The following IRGM variants were observed in gnomAD, a reference collection of about 807,000 sequenced individuals.
IRGM encodes the protein immunity related GTPase M, also known as immunity-related GTPase family M protein.
For missense variants in IRGM, 288 were observed against 219.9 expected (o/e 1.31, Z -1.96); for synonymous variants, 98 against 80.6 (o/e 1.22, Z -1.16).
intron 3 of IRGM, chr5:150,897,113 C>G: frequency 4.8e-6 from 3 of 627,208 alleles, no homozygotes; most frequent in Non-Finnish European, 8.2e-6. Flanking sequence ...GAAGACAGTA[C>G]AGCATATAGT....
chr5:150,882,585 G>A (rs937313484), intron 3 of IRGM, among the ~76,000 whole-genome samples: 6 of 152,110 alleles, frequency 3.9e-5, no homozygotes, highest in African/African-American at 1.4e-4. Flanking sequence ...ACTTATATCA[G>A]ATAAAATAAA....
chr5:150,853,689 C>T (rs1365022493), downstream of IRGM, among the ~76,000 whole-genome samples: 1 of 151,922 alleles, frequency 6.6e-6, no homozygotes, highest in African/African-American at 2.4e-5. Flanking sequence ...TAAATTTAAC[C>T]TAGAGTCTAT....
intron 3 of IRGM, among the ~76,000 whole-genome samples, chr5:150,880,738 C>T (rs949401020): frequency 1.3e-5 from 2 of 152,176 alleles, no homozygotes; most frequent in Admixed American, 6.5e-5. Context: ...TTCATATTTT[C>T]ATAAAGAGTA....
chr5:150,898,628 C>T lies in IRGM; in HGVS notation c.*141-1961C>T, dbSNP rs1282381223. 5 of 1,447,966 alleles carry T rather than the reference C, an allele frequency of 3.5e-6. No homozygotes were observed. In the East Asian group the frequency reaches 1.2e-4, roughly 34 times the overall value. 89.7% of individuals were successfully genotyped at this position (1,447,966 alleles called of 1,614,324 possible). On this transcript the variant is annotated intron_variant and NMD_transcript_variant, in intron 3 of 3. Transcript: ENST00000520549. ...TCTGCTATAATGTGCACAACTACAT[C>T]CACACCTAGTTTTGTATAATAGTTT...
At chr5:150,872,792 A>G (rs1325164050) in intron 1 of IRGM, among the ~76,000 whole-genome samples, 1 of 152,150 alleles carries the variant, frequency 6.6e-6, no homozygotes, top group African/African-American at 2.4e-5. Flanking sequence ...CCTTGGTGTA[A>G]TGTACAGGGA....
At chr5:150,881,042 G>A (rs757790700) in intron 3 of IRGM, among the ~76,000 whole-genome samples, 12 of 151,824 alleles carry the variant, frequency 7.9e-5, no homozygotes, top group East Asian at 1.9e-4. Context: ...CAGGAGAATC[G>A]CTTGAACCTG....
chr5:150,865,958 T>A (rs1468460974), intron 1 of IRGM, among the ~76,000 whole-genome samples: 2 of 152,174 alleles, frequency 1.3e-5, no homozygotes, highest in African/African-American at 2.4e-5. Flanking sequence ...GGTTTCAGCA[T>A]GTTGGCCAGG....
In IRGM at chr5:150,848,309, C is replaced by T. The variant is rs1445711737; in HGVS notation, c.186C>T (p.Ala62=). The T allele has an allele frequency of 2.6e-6, 4 of 1,551,810 alleles. No individual in the cohort carries two copies. Among genetic ancestry groups the T allele is most frequent in the Non-Finnish European group, 3.5e-6 (4 of 1,146,986 alleles). ...GAAACACAGGACATGAGGGTAAGGC[C>T]TCACCTCCTACTGAGCTGGTAAAAG... ...ALRNTGHEGK[A]SPPTELVKAT... Residue 62 remains alanine (A), a synonymous_variant, in exon 2 of 2, where the codon GCC becomes GCT. Coordinates refer to ENST00000522154, the MANE Select transcript of IRGM (RefSeq NM_001145805.2).
At chr5:150,899,727 G>A (rs185689226) in intron 3 of IRGM, among the ~76,000 whole-genome samples, 16 of 152,068 alleles carry the variant, frequency 1.1e-4, no homozygotes, top group Non-Finnish European at 2.1e-4. Context: ...TGTTTCTGGA[G>A]GGAACATTGA....
downstream of IRGM, among the ~76,000 whole-genome samples, chr5:150,850,321 TAAG>T (rs1312581106): frequency 2.6e-5 from 4 of 152,232 alleles, no homozygotes; most frequent in Non-Finnish European, 5.9e-5. Context: ...TTCCTAATAA[TAAG>T]AAATTGTTAA....
chr5:150,855,920 TAAAG>T (rs1754041832), intron 1 of IRGM, among the ~76,000 whole-genome samples: 2 of 152,110 alleles, frequency 1.3e-5, no homozygotes, highest in Non-Finnish European at 2.9e-5. Flanking sequence ...AGCATTCTCT[TAAAG>T]AACAGTTTCT....
chr5:150,897,327 T>C (rs1754830544), intron 3 of IRGM: 1 of 180,974 alleles, frequency 5.5e-6, no homozygotes, highest in Non-Finnish European at 1.1e-5. Flanking sequence ...ATTCTTATTA[T>C]CCTACCATCA....
intron 3 of IRGM, among the ~76,000 whole-genome samples, chr5:150,879,798 A>G (rs930402821): frequency 1.3e-5 from 2 of 152,224 alleles, no homozygotes; most frequent in Non-Finnish European, 2.9e-5. Flanking sequence ...AAAGAGCCCA[A>G]GGTAAAATTC....
At chr5:150,878,179 T>TG (rs968733009) in intron 2 of IRGM, 32 of 378,226 alleles carry the variant, frequency 8.5e-5, no homozygotes, top group Non-Finnish European at 1.3e-4. Flanking sequence ...AACTTTTTTT[T>TG]TTGTTGTTGT....
At chr5:150,882,192 T>A (rs1362201425) in intron 3 of IRGM, among the ~76,000 whole-genome samples, 1 of 150,296 alleles carries the variant, frequency 6.7e-6, no homozygotes, top group Non-Finnish European at 1.5e-5. Context: ...GAACTCCAGC[T>A]TGGGGGACAG....
At chr5:150,849,538 A>G (rs1211350791), downstream of IRGM, among the ~76,000 whole-genome samples, 1 of 152,106 alleles carries the variant, frequency 6.6e-6, no homozygotes, top group African/African-American at 2.4e-5. Flanking sequence ...AGTTAAAAGT[A>G]AAATGATCAT....
chr5:150,881,519 T>C lies in IRGM; in HGVS notation c.*140+1873T>C, dbSNP rs141333066. Among the ~76,000 whole-genome samples, 7 of 152,036 alleles carry C rather than the reference T, an allele frequency of 4.6e-5. No homozygotes were observed. In the East Asian group the frequency reaches 1.2e-3, roughly 25 times the overall value. ...CTAAAGGAAAAGGACACTAGTAACA[T>C]AAAAACATATGAAAGTATAAAAAAA... On this transcript the variant is annotated intron_variant and NMD_transcript_variant, in intron 3 of 3. Coordinates refer to the IRGM transcript ENST00000520549.
chr5:150,884,440 A>C (rs1247365106), intron 3 of IRGM, among the ~76,000 whole-genome samples: 1 of 152,096 alleles, frequency 6.6e-6, no homozygotes, highest in Non-Finnish European at 1.5e-5. Context: ...ATACCCAGTA[A>C]TGGGATTGCT....
intron 2 of IRGM, among the ~76,000 whole-genome samples, chr5:150,879,060 T>C (rs968247078): frequency 2.0e-5 from 3 of 152,160 alleles, no homozygotes; most frequent in African/African-American, 7.2e-5. Context: ...TCTTGACTCT[T>C]GAAATTCTAA....
Sources: allele counts gnomAD v4.1 joint callset (sites outside exome capture counted in the v4.1 genomes callset), GRCh38; gene constraint gnomAD v4.1.1; transcripts MANE v1.5; gene names NCBI Gene and HGNC (gene_info 2026-07-23, HGNC 2026-07-21).